The following EFHD1 variants were observed in gnomAD, a reference collection of about 807,000 sequenced individuals.
The protein encoded by EFHD1 is EF-hand domain family member D1, also known as EF-hand domain-containing protein D1.
EFHD1 carries 10 observed loss-of-function variants against 17.2 expected under a neutral mutation model. The observed-to-expected ratio is 0.58, with a 90% CI of 0.36 to 0.99. The LOEUF is 0.99. Among genes scored for constraint, EFHD1 ranks in the 50% least tolerant of loss-of-function variants. EFHD1 has a pLI of 0.01. For missense variants in EFHD1, 310 were observed against 327.5 expected (o/e 0.95, Z 0.41); for synonymous variants, 153 against 142.0 (o/e 1.08, Z -0.55).
intron 2 of EFHD1, among the ~76,000 whole-genome samples, chr2:232,672,086 C>T (rs987987127): frequency 9.2e-5 from 14 of 151,886 alleles, no homozygotes; most frequent in African/African-American, 3.4e-4. Flanking sequence ...AATCGGTTTA[C>T]ACTCTCAAAT....
rs1416435772 is a variant in EFHD1, at chr2:232,682,215, A to G, written c.*496A>G. ...TGTTCCTGGGTAATGGTGGGTCTTA[A>G]TGGAGGCTGGGTGGACCACTGCCCG... On this transcript the variant is annotated 3_prime_UTR_variant, in exon 4 of 4. Coordinates refer to ENST00000264059, the MANE Select transcript of EFHD1 (RefSeq NM_025202.4). 6.5e-6 allele frequency: 1 copy of G among 154,008 alleles called. No homozygotes were observed. Among genetic ancestry groups the G allele is most frequent in the Non-Finnish European group, 1.4e-5 (1 of 69,522 alleles). The allele number at this position is 154,008 out of a possible 1,614,324, so 9.5% of individuals were successfully genotyped here.
intron 2 of EFHD1, among the ~76,000 whole-genome samples, chr2:232,666,172 C>T (rs780664730): frequency 1.4e-4 from 21 of 152,204 alleles, no homozygotes; most frequent in Admixed American, 4.6e-4. Context: ...ACCTGAGATA[C>T]GATTCACAGG....
At chr2:232,659,143 G>A (rs377072322) in intron 1 of EFHD1, among the ~76,000 whole-genome samples, 5 of 152,054 alleles carry the variant, frequency 3.3e-5, no homozygotes, top group East Asian at 1.9e-4. Flanking sequence ...CATCCTTCAC[G>A]GTTCCTCAAA....
chr2:232,668,443 A>C (rs1695005471), intron 2 of EFHD1, among the ~76,000 whole-genome samples: 1 of 151,996 alleles, frequency 6.6e-6, no homozygotes. Flanking sequence ...AGCTCTGGGG[A>C]AGGGACCCGT....
intron 1 of EFHD1, among the ~76,000 whole-genome samples, chr2:232,644,595 C>T (rs1364267341): frequency 6.6e-6 from 1 of 151,818 alleles, no homozygotes; most frequent in Non-Finnish European, 1.5e-5. Flanking sequence ...TCACTGCAAC[C>T]TCCGCCTCCC....
At chr2:232,657,085 CACCATTTTTA>C (rs1489951828) in intron 1 of EFHD1, among the ~76,000 whole-genome samples, 1 of 152,212 alleles carries the variant, frequency 6.6e-6, no homozygotes, top group Non-Finnish European at 1.5e-5. Flanking sequence ...CAGCAAAATT[CACCATTTTTA>C]ACCATTTTTA....
intron 1 of EFHD1, among the ~76,000 whole-genome samples, chr2:232,660,592 C>T (rs997405844): frequency 7.9e-5 from 12 of 152,270 alleles, no homozygotes; most frequent in Non-Finnish European, 1.5e-4. Flanking sequence ...ACCCCAGTCT[C>T]CCAAGTAGCT....
At chr2:232,644,581 C>T (rs1157994227) in intron 1 of EFHD1, among the ~76,000 whole-genome samples, 41 of 151,444 alleles carry the variant, frequency 2.7e-4, no homozygotes, top group Admixed American at 2.4e-3. Flanking sequence ...GGTGCGATCT[C>T]GGCTCACTGC....
chr2:232,622,049 C>T (rs1054252173), intron 1 of EFHD1, among the ~76,000 whole-genome samples: 7 of 152,204 alleles, frequency 4.6e-5, no homozygotes, highest in Non-Finnish European at 7.3e-5. Context: ...GAAATGCTCC[C>T]GTCAGCAGGT....
At chr2:232,611,041 G>C (rs1255717721) in intron 1 of EFHD1, among the ~76,000 whole-genome samples, 1 of 152,148 alleles carries the variant, frequency 6.6e-6, no homozygotes, top group South Asian at 2.1e-4. Context: ...AGCCAGGCGT[G>C]GTGGTGTGCA....
intron 1 of EFHD1, among the ~76,000 whole-genome samples, chr2:232,655,802 CTTTTTTTTTTTTT>C (rs66762860): frequency 7.5e-6 from 1 of 133,268 alleles, no homozygotes. Flanking sequence ...TGTGTGGGGT[CTTTTTTTTTTTTT>C]TTTTTTTTTG....
chr2:232,672,192 G>T, intron 2 of EFHD1, 117 bp from the exon 3 acceptor site: 1 of 1,379,794 alleles, frequency 7.2e-7, no homozygotes. Context: ...TTTGCCACAT[G>T]CATACATAAA....
At chr2:232,657,584 C>A (rs757721566) in intron 1 of EFHD1, among the ~76,000 whole-genome samples, 3 of 151,886 alleles carry the variant, frequency 2.0e-5, no homozygotes, top group African/African-American at 4.8e-5. Flanking sequence ...CCGAGGCAGG[C>A]GGATCACCTG....
chr2:232,651,058 A>AGG (rs142383580), intron 1 of EFHD1, among the ~76,000 whole-genome samples: 2,058 of 152,200 alleles, frequency 0.014, 42 homozygotes, highest in African/African-American at 0.047. Context: ...TGAAATAAGG[A>AGG]GGGAGGGATC....
At chr2:232,645,616 C>T (rs1003392399) in intron 1 of EFHD1, among the ~76,000 whole-genome samples, 7 of 152,168 alleles carry the variant, frequency 4.6e-5, no homozygotes, top group Admixed American at 2.6e-4. Flanking sequence ...TCTCTAAATG[C>T]GTCGTGCCTC....
chr2:232,607,084 C>T (rs1693728689), intron 1 of EFHD1, among the ~76,000 whole-genome samples: 1 of 151,652 alleles, frequency 6.6e-6, no homozygotes, highest in Non-Finnish European at 1.5e-5. Context: ...GTCCACCTCC[C>T]GGGCTAAAGC....
intron 3 of EFHD1, among the ~76,000 whole-genome samples, chr2:232,679,932 T>A (rs1449779537): frequency 1.3e-5 from 2 of 152,098 alleles, no homozygotes; most frequent in African/African-American, 2.4e-5. Context: ...TGTGGGTGTG[T>A]AAATCGGAGC....
chr2:232,628,805 G>C (rs965731288), upstream of EFHD1, among the ~76,000 whole-genome samples: 2 of 152,130 alleles, frequency 1.3e-5, no homozygotes, highest in African/African-American at 4.8e-5. Context: ...CCCTCTCCTC[G>C]AACTATGCTC....
chr2:232,678,912 G>A (rs1416962769), intron 3 of EFHD1, among the ~76,000 whole-genome samples: 1 of 152,214 alleles, frequency 6.6e-6, no homozygotes, highest in East Asian at 1.9e-4. Flanking sequence ...CACTTGTGAA[G>A]ATAAAGTCAA....
Sources: allele counts gnomAD v4.1 joint callset (sites outside exome capture counted in the v4.1 genomes callset), GRCh38; gene constraint gnomAD v4.1.1; transcripts MANE v1.5; gene names NCBI Gene and HGNC (gene_info 2026-07-23, HGNC 2026-07-21).